The following ANKRD44 variants were observed in gnomAD, a reference collection of about 807,000 sequenced individuals.
ANKRD44 encodes serine/threonine-protein phosphatase 6 regulatory ankyrin repeat subunit B.
In ANKRD44, 35 loss-of-function variants were observed where a neutral mutation model predicts 116.0. That is an observed-to-expected ratio of 0.30 (90% CI 0.23 to 0.40). The LOEUF (loss-of-function observed/expected upper bound fraction) is 0.40. ANKRD44 is among the 10% of genes least tolerant of loss of function. The pLI, the probability that ANKRD44 is intolerant of heterozygous loss-of-function variation, is 1.00. For synonymous variants in ANKRD44, 435 were observed against 461.8 expected (o/e 0.94, Z 0.74); for missense variants, 1,014 against 1,242.6 (o/e 0.82, Z 2.77).
At chr2:196,977,679 A>G (rs2075770365) in intron 21 of ANKRD44, among the ~76,000 whole-genome samples, 1 of 152,212 alleles carries the variant, frequency 6.6e-6, no homozygotes, top group Non-Finnish European at 1.5e-5. Context: ...TGGCCATAAT[A>G]AAAATAAATG....
intron 1 of ANKRD44, chr2:197,263,500 C>T (rs2082664165): frequency 2.6e-6 from 1 of 380,678 alleles, no homozygotes; most frequent in African/African-American, 2.1e-5. Flanking sequence ...GCTCTTTTGC[C>T]TGATGGTGGC....
chr2:196,979,553 A>AC (rs2075785131), intron 21 of ANKRD44, among the ~76,000 whole-genome samples: 1 of 90,066 alleles, frequency 1.1e-5, no homozygotes, highest in African/African-American at 4.6e-5. Flanking sequence ...TAATAAGATG[A>AC]CTTTTTTTTT....
At chr2:196,977,042 T>G (rs2075766257) in intron 21 of ANKRD44, among the ~76,000 whole-genome samples, 1 of 152,184 alleles carries the variant, frequency 6.6e-6, no homozygotes, top group African/African-American at 2.4e-5. Flanking sequence ...ATGAACAATC[T>G]GAAAATAAAA....
intron 22 of ANKRD44, among the ~76,000 whole-genome samples, chr2:197,001,151 A>G (rs547949207): frequency 1.3e-5 from 2 of 152,356 alleles, no homozygotes; most frequent in South Asian, 2.1e-4. Context: ...TCAGTTTCAT[A>G]TAAAGGCCAG....
chr2:196,971,445 C>CTCCTG (rs2075715273), intron 21 of ANKRD44, among the ~76,000 whole-genome samples: 1 of 152,164 alleles, frequency 6.6e-6, no homozygotes, highest in Non-Finnish European at 1.5e-5. Flanking sequence ...CAACCTTCCC[C>CTCCTG]TCCTGGGTTC....
chr2:197,070,702 CTCTG>C, intron 16 of ANKRD44, among the ~76,000 whole-genome samples: 1 of 147,198 alleles, frequency 6.8e-6, no homozygotes, highest in South Asian at 2.2e-4. Flanking sequence ...CGCTCTCGCT[CTCTG>C]TGTGTGTGTG....
chr2:196,985,848 T>C (rs2075832866), downstream of ANKRD44, among the ~76,000 whole-genome samples: 1 of 152,088 alleles, frequency 6.6e-6, no homozygotes, highest in Admixed American at 6.5e-5. Context: ...AGATGAAAAA[T>C]TTTGGATGGT....
chr2:197,275,725 T>C (rs1479592211), intron 1 of ANKRD44, among the ~76,000 whole-genome samples: 1 of 151,886 alleles, frequency 6.6e-6, no homozygotes, highest in Non-Finnish European at 1.5e-5. Context: ...TTACAATGAT[T>C]ACAGGGCTCT....
Position 197,009,014 on chromosome 2 carries a change from G to A in ANKRD44, c.1942C>T (p.Leu648=), listed in dbSNP as rs1559413771. ...ATTTCTAGCAACAGCCGTAAACACA[G>A]TGTGTGACCATTAATTACTGAAAAA... is the stretch of plus-strand genomic sequence containing the variant. The part of the protein sequence containing the change: ...LHASVINGHT[L]CLRLLLEIAD... The change falls in exon 19 of 28, where the codon CTG becomes TTG. Residue 648 remains leucine (L), a synonymous_variant. Transcript: ENST00000282272. The A allele has an allele frequency of 1.9e-6, 3 of 1,613,992 alleles. No individual in the cohort carries two copies. Among genetic ancestry groups the A allele is most frequent in the Admixed American group, 3.3e-5 (2 of 60,024 alleles).
At position 197,187,644 on chromosome 2, in the gene ANKRD44, T is replaced by TTCTCTCTC. The variant is rs55952976; in HGVS notation, c.28-546_28-539dup. 3.7e-3 allele frequency among the ~76,000 whole-genome samples: 497 copies of TTCTCTCTC among 134,716 alleles called. 5 individuals are homozygous for TTCTCTCTC. Among genetic ancestry groups the TTCTCTCTC allele is most frequent in the African/African-American group, 0.012 (463 of 38,664 alleles). 88.4% of individuals were successfully genotyped at this position (134,716 alleles called of 152,430 possible). ...AGAGACACCAGAGCTCACGTTCTCA[T>TTCTCTCTC]TCTCTCTCTCTCTCTCTCTCTCTCT... On this transcript the variant is annotated intron_variant, in intron 1 of 27. Transcript: ENST00000282272.
At chr2:197,143,149 CTT>C (rs61628743) in intron 3 of ANKRD44, among the ~76,000 whole-genome samples, 87,180 of 139,290 alleles carry the variant, frequency 0.63, 29,893 homozygotes, top group East Asian at 0.94. Context: ...TCTGTAGGAT[CTT>C]TTTTTTTTTT....
In ANKRD44 at chr2:197,248,759, G is replaced by C. The variant is rs541354895; in HGVS notation, c.28-61653C>G. Among the ~76,000 whole-genome samples, 12 of 152,048 alleles carry C rather than the reference G, an allele frequency of 7.9e-5. No homozygotes were observed. In the South Asian group the frequency reaches 2.5e-3, roughly 32 times the overall value. On this transcript the variant is annotated intron_variant, in intron 1 of 27. Coordinates refer to ENST00000282272, the MANE Select transcript of ANKRD44 (RefSeq NM_001195144.2). ...AACATAGGAGGCTCTCTGGGGAGAC[G>C]AGGGGGAGGAAGTCAAAGCAGGGGT... is the stretch of plus-strand genomic sequence containing the variant.
intron 16 of ANKRD44, among the ~76,000 whole-genome samples, chr2:197,031,418 A>T (rs756530532): frequency 3.9e-5 from 6 of 152,254 alleles, no homozygotes; most frequent in Non-Finnish European, 5.9e-5. Flanking sequence ...ATGATAGCAC[A>T]GTAGAGCCCC....
chr2:197,178,469 T>G (rs898663848), intron 2 of ANKRD44, among the ~76,000 whole-genome samples: 4 of 148,030 alleles, frequency 2.7e-5, no homozygotes, highest in Non-Finnish European at 5.9e-5. Context: ...AAACCCTGTC[T>G]CTAAAAAAAA....
chr2:197,002,952 A>C (rs546530282), intron 21 of ANKRD44, among the ~76,000 whole-genome samples: 1 of 152,204 alleles, frequency 6.6e-6, no homozygotes, highest in Non-Finnish European at 1.5e-5. Flanking sequence ...TTATATCTAA[A>C]AAGAGAATAG....
intron 1 of ANKRD44, among the ~76,000 whole-genome samples, chr2:197,299,983 A>C (rs2083848552): frequency 6.6e-6 from 1 of 152,162 alleles, no homozygotes; most frequent in African/African-American, 2.4e-5. Flanking sequence ...ACCTCATGCA[A>C]CATTCTATCC....
At position 197,108,880 on chromosome 2, in the gene ANKRD44, A is replaced by T. The variant is rs770504149; in HGVS notation, c.985+1886T>A. Among the ~76,000 whole-genome samples, 203 of 152,236 alleles carry T rather than the reference A, an allele frequency of 1.3e-3. 3 individuals carry two copies. Among genetic ancestry groups the T allele is most frequent in the Non-Finnish European group, 2.7e-3 (186 of 68,016 alleles). The stretch of plus-strand genomic sequence containing the variant: ...ACAACAACAACAACAACAAAAACAC[A>T]AATAAACAAAAAAAGTCTAGCAAGA... On this transcript the variant is annotated intron_variant, in intron 9 of 27. Coordinates refer to ENST00000282272, the MANE Select transcript of ANKRD44 (RefSeq NM_001195144.2).
rs559878530 is a variant in ANKRD44 at position 196,973,746 on chromosome 2, C to A, written c.2369-6300G>T. On this transcript the variant is annotated intron_variant, in intron 21 of 21. Coordinates refer to the ANKRD44 transcript ENST00000424317. ...CTCACTGTCTATTCTTATTTGTTTA[C>A]TTAATAACATATCTTTATATACAGA... is the stretch of plus-strand genomic sequence containing the variant. Among the ~76,000 whole-genome samples the A allele has an allele frequency of 3.3e-5, 5 of 152,288 alleles. No individual in the cohort carries two copies. In the South Asian group the frequency reaches 1.0e-3, roughly 32 times the overall value.
intron 1 of ANKRD44, chr2:197,198,219 A>C (rs1230650647): frequency 6.6e-6 from 1 of 152,246 alleles, no homozygotes; most frequent in African/African-American, 2.4e-5. Flanking sequence ...GTAGACAGGG[A>C]TCCTATCATG....
Sources: gnomAD v4.1 joint callset for allele counts (sites outside exome capture counted in the v4.1 genomes callset) on GRCh38, gnomAD v4.1.1 for gene constraint, MANE v1.5 for transcripts, NCBI Gene and HGNC (gene_info 2026-07-23, HGNC 2026-07-21) for gene names.